Variants in DMD observed in about 807,000 individuals in gnomAD.
DMD encodes the protein mutant dystrophin.
Under a neutral mutation model 330.1 loss-of-function variants are expected in DMD, and 63 were observed. The observed-to-expected ratio is 0.19, with a 90% CI of 0.16 to 0.24. The LOEUF is 0.24. Ranked by LOEUF, DMD falls within the 10% of genes least tolerant of loss-of-function variation. DMD has a pLI of 1.00. For missense variants in DMD, 3,344 were observed against 2,684.1 expected (o/e 1.25, Z -5.43); for synonymous variants, 1,223 against 959.8 (o/e 1.27, Z -5.07).
intron 1 of DMD, among the ~76,000 whole-genome samples, chrX:33,241,753 C>A (rs2052589714): frequency 9.0e-6 from 1 of 111,153 alleles, no homozygotes; most frequent in Admixed American, 9.6e-5. Context: ...TAAATTTATT[C>A]CTTTTTTTGT....
intron 41 of DMD, among the ~76,000 whole-genome samples, chrX:32,335,277 C>A (rs897696610): frequency 9.2e-6 from 1 of 108,579 alleles, no homozygotes; most frequent in Non-Finnish European, 1.9e-5. Context: ...TCCCTGCTGA[C>A]TGTAACCTCT....
chrX:31,278,014 T>G (rs1184833961), intron 62 of DMD, among the ~76,000 whole-genome samples: 1 of 19,903 alleles, frequency 5.0e-5, no homozygotes, highest in African/African-American at 5.2e-4. Flanking sequence ...GAAGTTGAAA[T>G]TAAAAAAAAA....
At chrX:32,244,105 C>T (rs2097220731) in intron 43 of DMD, among the ~76,000 whole-genome samples, 1 of 70,832 alleles carries the variant, frequency 1.4e-5, no homozygotes, top group African/African-American at 5.3e-5. Flanking sequence ...TCCCTCCCCC[C>T]TCCCCCCACC....
intron 2 of DMD, among the ~76,000 whole-genome samples, chrX:32,852,730 A>G (rs949086624): frequency 9.0e-6 from 1 of 110,847 alleles, no homozygotes; most frequent in Non-Finnish European, 1.9e-5. Context: ...TTGGGCCTTG[A>G]GTGAACATCA....
intron 11 of DMD, among the ~76,000 whole-genome samples, chrX:32,621,332 A>G: frequency 9.0e-6 from 1 of 111,223 alleles, no homozygotes; most frequent in Non-Finnish European, 1.9e-5. Flanking sequence ...AGCCTACCTT[A>G]ATCTGTGGGT....
chrX:32,489,110 A>G (rs1342380613), intron 20 of DMD, among the ~76,000 whole-genome samples: 1 of 111,124 alleles, frequency 9.0e-6, no homozygotes, highest in African/African-American at 3.3e-5. Context: ...CTAGCAGGAA[A>G]TTTAAAAATA....
intron 11 of DMD, among the ~76,000 whole-genome samples, chrX:32,619,160 C>A (rs1218895063): frequency 9.0e-6 from 1 of 111,228 alleles, no homozygotes; most frequent in African/African-American, 3.3e-5. Flanking sequence ...TCATTTGCAA[C>A]AACATGGATG....
chrX:31,425,110 A>G (rs986535929), intron 60 of DMD, among the ~76,000 whole-genome samples: 2 of 112,575 alleles, frequency 1.8e-5, no homozygotes, highest in Admixed American at 1.9e-4. Context: ...GCACAAGTAC[A>G]GGCTTTGCCT....
At chrX:32,476,142 A>T (rs183164871) in intron 21 of DMD, among the ~76,000 whole-genome samples, 2 of 110,740 alleles carry the variant, frequency 1.8e-5, no homozygotes, top group African/African-American at 3.3e-5. Flanking sequence ...AGCTTCATAA[A>T]ATTTGGTTTA....
intron 63 of DMD, among the ~76,000 whole-genome samples, chrX:31,259,712 A>G (rs987199805): frequency 1.8e-5 from 2 of 111,625 alleles, no homozygotes; most frequent in African/African-American, 3.3e-5. Context: ...AATTAGAAAA[A>G]TGTTTAATAA....
chrX:33,058,188 A>AT (rs752011734), intron 1 of DMD, among the ~76,000 whole-genome samples: 25 of 111,570 alleles, frequency 2.2e-4, no homozygotes, highest in Admixed American at 1.7e-3. Flanking sequence ...TCTATACCGC[A>AT]TTTTTAATTC....
At chrX:32,783,920 C>T (rs2075121676) in intron 7 of DMD, among the ~76,000 whole-genome samples, 1 of 106,561 alleles carries the variant, frequency 9.4e-6, no homozygotes, top group African/African-American at 3.4e-5. Context: ...AAATGACCAA[C>T]TTAAAAGATA....
intron 9 of DMD, among the ~76,000 whole-genome samples, chrX:32,669,368 C>G (rs967012061): frequency 4.5e-5 from 5 of 111,599 alleles, no homozygotes; most frequent in African/African-American, 1.6e-4. Flanking sequence ...TCTTTAAAGT[C>G]TTTTTAAATA....
intron 2 of DMD, among the ~76,000 whole-genome samples, chrX:32,966,715 C>A (rs1207525239): frequency 9.0e-6 from 1 of 111,682 alleles, no homozygotes; most frequent in African/African-American, 3.3e-5. Flanking sequence ...AGCTGCAGCA[C>A]CCGTGGAGGG....
intron 9 of DMD, among the ~76,000 whole-genome samples, chrX:32,669,335 AG>A (rs2061495781): frequency 9.0e-6 from 1 of 111,675 alleles, no homozygotes; most frequent in Non-Finnish European, 1.9e-5. Context: ...ATTCATTTGC[AG>A]CACTGTTTAA....
At chrX:33,333,255 G>T (rs1175399959) in intron 1 of DMD, among the ~76,000 whole-genome samples, 1 of 111,191 alleles carries the variant, frequency 9.0e-6, no homozygotes, top group African/African-American at 3.3e-5. Context: ...CTTGTATGTT[G>T]GTTCTTATTT....
intron 53 of DMD, among the ~76,000 whole-genome samples, chrX:31,677,020 T>C (rs1050130990): frequency 3.6e-5 from 4 of 110,767 alleles, no homozygotes; most frequent in African/African-American, 9.8e-5. Flanking sequence ...TCTCTATAGA[T>C]AGTGGCTGAG....
intron 2 of DMD, among the ~76,000 whole-genome samples, chrX:32,878,660 T>A (rs1289271264): frequency 1.8e-5 from 2 of 110,888 alleles, no homozygotes; most frequent in African/African-American, 6.6e-5. Flanking sequence ...TTTTAAATAA[T>A]ATCAAATTTT....
intron 55 of DMD, among the ~76,000 whole-genome samples, chrX:31,576,078 C>T (rs946341539): frequency 5.4e-5 from 6 of 111,869 alleles, no homozygotes; most frequent in African/African-American, 1.9e-4. Context: ...AGTACAGAGA[C>T]TTCTCACGCA....
Sources: allele counts gnomAD v4.1 joint callset (sites outside exome capture counted in the v4.1 genomes callset), GRCh38; gene constraint gnomAD v4.1.1; transcripts MANE v1.5; gene names NCBI Gene and HGNC (gene_info 2026-07-23, HGNC 2026-07-21).